PTPRB: variants seen among roughly 807,000 people sequenced by gnomAD.
The protein encoded by PTPRB is protein tyrosine phosphatase receptor type B, also known as receptor-type tyrosine-protein phosphatase beta.
In PTPRB, 97 loss-of-function variants were observed where a neutral mutation model predicts 238.1. That is an observed-to-expected ratio of 0.41 (90% confidence interval 0.35 to 0.48). The LOEUF is 0.48. Among genes scored for constraint, PTPRB ranks in the 20% least tolerant of loss-of-function variants. The probability of loss-of-function intolerance (pLI) is 0.30; values close to 1 mark genes in which losing one functional copy is unlikely to be tolerated. For synonymous variants in PTPRB, 970 were observed against 995.4 expected, an observed-to-expected ratio of 0.97 and a Z score of 0.48; for missense variants, 2,292 against 2,681.9, an observed-to-expected ratio of 0.85 and a Z score of 3.21.
rs890723476 is a variant in PTPRB at position 70,622,616 on chromosome 12, C to T, written c.482G>A (p.Ser161Asn). 1.9e-6 allele frequency: 3 copies of T among 1,579,538 alleles called. No homozygotes were observed. The highest frequency in any genetic ancestry group is 2.6e-6 in the Non-Finnish European group (3 of 1,160,318). Reference protein sequence around the residue: ...AGLGAEVSVRSTRNTAPPQIL... With the variant: ...AGLGAEVSVRNTRNTAPPQIL... ...CTGGGGTGGAGCCGTGTTTCTAGTG[C>T]TCCTCACCGAAACTTCTGCTCCCAG... Residue 161 changes from serine (S) to asparagine (N), a missense_variant, in exon 3 of 34, where the codon AGC (serine) becomes AAC (asparagine). This residue lies in a region of PTPRB where 1,205 missense variants were observed against 1,287.8 expected (regional missense o/e 0.94). Transcript: ENST00000334414.
rs767157553 is a variant in PTPRB, at chr12:70,534,942, T to C, written c.6095A>G (p.His2032Arg). The C allele has an allele frequency of 9.3e-6, 15 of 1,613,570 alleles. No individual in the cohort carries two copies. The highest frequency in any genetic ancestry group is 1.3e-5 in the African/African-American group (1 of 74,882). Residue 2032 changes from histidine to arginine, a missense_variant, in exon 30 of 34, where the codon CAT becomes CGT. Physicochemically the swap from His to Arg is conservative, Grantham distance 29. Transcript: ENST00000334414. The stretch of plus-strand genomic sequence containing the variant: ...GGAATCCTGGTCCGCTGGCCAGTAA[T>C]GATCACACTTTACCTAGAACAGGAC... Reference protein sequence around the residue: ...CVEKGRVKCDHYWPADQDSLY... With the variant: ...CVEKGRVKCDRYWPADQDSLY...
intron 10 of PTPRB, among the ~76,000 whole-genome samples, chr12:70,578,987 G>C (rs1308113452): frequency 6.6e-6 from 1 of 152,176 alleles, no homozygotes; most frequent in African/African-American, 2.4e-5. Flanking sequence ...AATGGGGAGA[G>C]CTCTGAGGAC....
chr12:70,542,972 G>T (rs1019561330), intron 22 of PTPRB: 2 of 151,416 alleles, frequency 1.3e-5, no homozygotes, highest in Admixed American at 6.6e-5. Context: ...AAATTGTGAG[G>T]TAAGAGTTCT....
intron 14 of PTPRB, 21 bp downstream of exon 14, chr12:70,569,654 C>T: frequency 6.2e-7 from 1 of 1,612,956 alleles, no homozygotes; most frequent in Non-Finnish European, 8.5e-7. Context: ...CAATCTAGCC[C>T]TTCTCCAGGT....
chr12:70,569,979 T>C (rs1456987899), intron 13 of PTPRB, 41 bp from the exon 14 acceptor site: 1 of 1,532,660 alleles, frequency 6.5e-7, no homozygotes, highest in Non-Finnish European at 8.9e-7. Context: ...ACTTAGAGAA[T>C]GAACTGTTGA....
intron 2 of PTPRB, among the ~76,000 whole-genome samples, chr12:70,634,586 G>A (rs899609859): frequency 6.6e-6 from 1 of 152,120 alleles, no homozygotes; most frequent in Non-Finnish European, 1.5e-5. Flanking sequence ...CATTAGCTAC[G>A]GGAATGTGTA....
chr12:70,521,961 C>G lies in PTPRB; in HGVS notation c.6626-450G>C, dbSNP rs150225125. ...CCTCCAAGATCCCTCAGAACTTGCTCATACTGAAGCCTCTTAAGGAATCTC... is the reference window on the plus strand; with the variant it reads ...CCTCCAAGATCCCTCAGAACTTGCTGATACTGAAGCCTCTTAAGGAATCTC... On this transcript the variant is annotated intron_variant, in intron 33 of 33. Transcript: ENST00000334414. Among the ~76,000 whole-genome samples, 12 of 152,324 alleles carry G rather than the reference C, an allele frequency of 7.9e-5. No individual in the cohort carries two copies. In the East Asian group the frequency reaches 2.3e-3, roughly 29 times the overall value.
chr12:70,522,856 G>GTT (rs1871806281), intron 33 of PTPRB, among the ~76,000 whole-genome samples: 6 of 111,472 alleles, frequency 5.4e-5, no homozygotes, highest in Non-Finnish European at 9.0e-5. Context: ...TCTTTTGTTT[G>GTT]TTTTTTCTTT....
rs199807802 is a variant in PTPRB, at chr12:70,605,656, TAG to T, written c.979+3411_979+3412del. On this transcript the variant is annotated intron_variant, in intron 4 of 33. Coordinates refer to ENST00000334414, the MANE Select transcript of PTPRB (RefSeq NM_001109754.4). ...AAAAGGAGAAGACACAAGTCAGCTC[TAG>T]AGAGTTTTAGGCACAGTTTTGCCAA... Among the ~76,000 whole-genome samples the T allele has an allele frequency of 8.5e-3, 1,294 of 152,362 alleles. 59 individuals carry two copies. The highest frequency in any genetic ancestry group is 0.078 in the Admixed American group (1,200 of 15,304).
At chr12:70,567,530 T>C (rs758836652) in intron 14 of PTPRB, among the ~76,000 whole-genome samples, 19 of 152,252 alleles carry the variant, frequency 1.2e-4, no homozygotes, top group Non-Finnish European at 7.3e-5. Flanking sequence ...TTTATTTCTG[T>C]ATCCTAAATC....
At chr12:70,572,775 T>TAAAAAAAAAAAAAAAAAAAA (rs10709963) in intron 11 of PTPRB, among the ~76,000 whole-genome samples, 1 of 93,968 alleles carries the variant, frequency 1.1e-5, no homozygotes, top group Non-Finnish European at 2.4e-5. Context: ...CTCCATCTCA[T>TAAAAAAAAAAAAAAAAAAAA]AAAAAAAAAA....
intron 4 of PTPRB, among the ~76,000 whole-genome samples, chr12:70,603,656 G>C (rs189819118): frequency 7.0e-4 from 107 of 152,198 alleles, no homozygotes; most frequent in African/African-American, 2.5e-3. Flanking sequence ...GTAATAATAG[G>C]AAACTCACTA....
intron 32 of PTPRB, among the ~76,000 whole-genome samples, chr12:70,524,961 ATG>A (rs1208873725): frequency 7.1e-6 from 1 of 140,270 alleles, no homozygotes; most frequent in East Asian, 2.0e-4. Context: ...GTATATATGT[ATG>A]TGTATATATG....
At position 70,609,318 on chromosome 12, in the gene PTPRB, T is replaced by G. The variant is rs753566367; in HGVS notation, c.730A>C (p.Arg244=). The G allele has an allele frequency of 3.7e-6, 6 of 1,613,958 alleles. No individual in the cohort carries two copies. Among genetic ancestry groups the G allele is most frequent in the Non-Finnish European group, 3.4e-6 (4 of 1,179,878 alleles). The change falls in exon 4 of 34, where the codon AGA becomes CGA. Residue 244 remains arginine (R), a synonymous_variant. Transcript: ENST00000334414. ...GACTCCGCCAGGGTGAAGTTACATC[T>G]CTCTGGCTCCGCCAGTCCAGTCTGC... ...TEETGLAEPE[R]CNFTLAESKA...
At chr12:70,590,301 C>A in intron 7 of PTPRB, 68 bp from the exon 8 acceptor site, 1 of 1,440,406 alleles carries the variant, frequency 6.9e-7, no homozygotes, top group Non-Finnish European at 9.3e-7. Flanking sequence ...ATTTACTTTT[C>A]TTGGGCAGCA....
intron 4 of PTPRB, 34 bp from the exon 5 acceptor site, chr12:70,596,361 AAAAAAGAAAG>A: frequency 7.4e-7 from 1 of 1,345,126 alleles, no homozygotes; most frequent in Non-Finnish European, 9.6e-7. Context: ...ACACAAAAAA[AAAAAAGAAAG>A]AAAAAGAAAA....
intron 4 of PTPRB, among the ~76,000 whole-genome samples, chr12:70,606,245 A>G (rs1785342857): frequency 6.6e-6 from 1 of 152,230 alleles, no homozygotes; most frequent in Non-Finnish European, 1.5e-5. Flanking sequence ...ACTACCTGGC[A>G]TAGTTCCCAA....
At chr12:70,538,749 A>G in intron 27 of PTPRB, 175 bp downstream of exon 27, 1 of 608,922 alleles carries the variant, frequency 1.6e-6, no homozygotes. Flanking sequence ...ACTGGCTATT[A>G]TCCCTCTGGA....
intron 9 of PTPRB, 110 bp downstream of exon 9, chr12:70,586,897 A>C: frequency 9.5e-7 from 1 of 1,050,950 alleles, no homozygotes; most frequent in Non-Finnish European, 1.4e-6. Context: ...GGATCCATAA[A>C]GCAATGCCCA....
Sources: allele counts gnomAD v4.1 joint callset (sites outside exome capture counted in the v4.1 genomes callset), GRCh38; gene constraint gnomAD v4.1.1; regional missense constraint gnomAD v4.1.1; transcripts MANE v1.5; gene names NCBI Gene and HGNC (gene_info 2026-07-23, HGNC 2026-07-21).